The following FAT1 variants were observed in gnomAD, a reference collection of about 807,000 sequenced individuals.
The protein encoded by FAT1 is FAT atypical cadherin 1, also known as protocadherin Fat 1.
In FAT1, 171 loss-of-function variants were observed where a neutral mutation model predicts 329.8. The observed-to-expected ratio is 0.52, with a 90% CI of 0.46 to 0.59. The LOEUF is 0.59. Among genes scored for constraint, FAT1 ranks in the 20% least tolerant of loss-of-function variants. FAT1 has a pLI of 0.00. For synonymous variants in FAT1, 2,233 were observed against 2,228.6 expected, an observed-to-expected ratio of 1.00 and a Z score of -0.06; for missense variants, 5,672 against 5,774.4, an observed-to-expected ratio of 0.98 and a Z score of 0.57.
chr4:186,714,855 G>A (rs998547807), intron 1 of FAT1, among the ~76,000 whole-genome samples: 39 of 152,182 alleles, frequency 2.6e-4, no homozygotes, highest in African/African-American at 8.4e-4. Context: ...CGAGGCAGGC[G>A]GATCACGAGG....
rs1738032057 is a variant in FAT1, at chr4:186,587,900, CTG to C, written c.*690_*691del. The C allele has an allele frequency of 4.6e-6, 1 of 217,462 alleles. No individual in the cohort carries two copies. Among genetic ancestry groups the C allele is most frequent in the South Asian group, 1.9e-4 (1 of 5,376 alleles). The allele number at this position is 217,462 out of a possible 1,614,324, so 13.5% of individuals were successfully genotyped here. On this transcript the variant is annotated 3_prime_UTR_variant, in exon 27 of 27. Transcript: ENST00000441802. ...CACAAATATACAGACACTATAAAAA[CTG>C]TGTCATGGTGGTTTTGGTTCTAAAC...
intron 9 of FAT1, among the ~76,000 whole-genome samples, chr4:186,627,197 A>G (rs1740352364): frequency 9.6e-6 from 1 of 104,310 alleles, no homozygotes; most frequent in South Asian, 4.6e-4. Flanking sequence ...AGGGACCAAC[A>G]TGGCACCTGG....
chr4:186,705,683 A>T (rs1340298674), intron 2 of FAT1, among the ~76,000 whole-genome samples: 1 of 152,252 alleles, frequency 6.6e-6, no homozygotes, highest in Non-Finnish European at 1.5e-5. Context: ...CTCCACCAGG[A>T]CATATTGACA....
rs2126502756 is a variant in FAT1 at position 186,619,158 on chromosome 4, G to A, written c.7428C>T (p.Thr2476=). The A allele has an allele frequency of 6.2e-7, 1 of 1,613,958 alleles. No individual in the cohort carries two copies. Among genetic ancestry groups the A allele is most frequent in the Non-Finnish European group, 8.5e-7 (1 of 1,179,896 alleles). Reference sequence around the variant, plus strand: ...CTCCAATTACAGTTACATGAACCTGGGTGGAACTTCTAAAAACTCCATCAG... The same window carrying A: ...CTCCAATTACAGTTACATGAACCTGAGTGGAACTTCTAAAAACTCCATCAG... ...SVSDGVFRSS[T]QVHVTVIGGN... is the part of the protein sequence containing the mutation. Residue 2476 remains threonine (T), a synonymous_variant, in exon 10 of 27, where the codon ACC becomes ACT. Transcript: ENST00000441802.
intron 2 of FAT1, among the ~76,000 whole-genome samples, chr4:186,698,779 C>T (rs577167715): frequency 1.3e-5 from 2 of 152,290 alleles, no homozygotes; most frequent in Admixed American, 6.5e-5. Context: ...GACTGGACCC[C>T]GTGCGATGGG....
At position 186,595,829 on chromosome 4, in the gene FAT1, A is replaced by G. The variant is rs1419074294; in HGVS notation, c.13001-3T>C. The G allele has an allele frequency of 1.9e-6, 3 of 1,613,820 alleles. No individual in the cohort carries two copies. The Admixed American group carries it at 5.0e-5, about 27-fold the overall frequency. On this transcript the variant is annotated splice_region_variant and splice_polypyrimidine_tract_variant and intron_variant, in intron 25 of 26. Coordinates refer to ENST00000441802, the MANE Select transcript of FAT1 (RefSeq NM_005245.4). ...GGGATCAAGATCCACCACTTTTGCT[A>G]AAAGGAAGGATGACAAACAGTAAGT... is the stretch of plus-strand genomic sequence containing the variant.
Position 186,706,613 on chromosome 4 carries a change from G to A in FAT1, c.3215C>T (p.Ser1072Phe), listed in dbSNP as rs2126682027. 6.2e-7 allele frequency: 1 copy of A among 1,613,874 alleles called. No individual in the cohort carries two copies. Among genetic ancestry groups the A allele is most frequent in the East Asian group, 2.2e-5 (1 of 44,868 alleles). The change falls in exon 2 of 27, where the codon TCC becomes TTC. Residue 1072 changes from serine (S) to phenylalanine (F), a missense_variant. By Grantham distance (155) the Ser-to-Phe change is radical. Around this residue, in one of 2 missense-constraint regions of FAT1, gnomAD observed 3,966 missense variants for 3,915.2 expected, o/e 1.01. Coordinates refer to ENST00000441802, the MANE Select transcript of FAT1 (RefSeq NM_005245.4). ...ACCAACGCCAGAGCCATCTCTAATG[G>A]AGTATCGGATCTCCCCATCTCTTCT... is the stretch of plus-strand genomic sequence containing the variant. The part of the protein sequence containing the change: ...DARRDGEIRY[S>F]IRDGSGVGVF...
chr4:186,606,071 T>C lies in FAT1; in HGVS notation c.10349A>G (p.Gln3450Arg). 1 of 1,612,826 alleles carries C rather than the reference T, an allele frequency of 6.2e-7. No individual in the cohort carries two copies. The highest frequency in any genetic ancestry group is 8.5e-7 in the Non-Finnish European group (1 of 1,179,720). ...FSRGNYSVII[Q>R]ENKPVGFSVL... is the part of the protein sequence containing the mutation. Reference sequence around the variant, plus strand: ...ACCACCTTGGCACTCGAAGCCCACCTGGATAATGACACTGTAGTTTCCCCT... The same window carrying C: ...ACCACCTTGGCACTCGAAGCCCACCCGGATAATGACACTGTAGTTTCCCCT... Residue 3450 changes from glutamine to arginine, a missense_variant and splice_region_variant, in exon 17 of 27, where the codon CAG (glutamine) becomes CGG (arginine). Around this residue, in one of 2 missense-constraint regions of FAT1, gnomAD observed 1,706 missense variants for 1,859.1 expected, o/e 0.92. Transcript: ENST00000441802.
intron 2 of FAT1, among the ~76,000 whole-genome samples, chr4:186,676,660 TC>T (rs1742970100): frequency 6.6e-6 from 1 of 152,144 alleles, no homozygotes; most frequent in African/African-American, 2.4e-5. Context: ...CTTAAAGCAC[TC>T]CCTTGCTAAA....
At position 186,603,532 on chromosome 4, in the gene FAT1, C is replaced by T. The variant is rs776802298; in HGVS notation, c.10994G>A (p.Arg3665Gln). The change falls in exon 19 of 27, where the codon CGA becomes CAA. Residue 3665 changes from arginine (R) to glutamine (Q), a missense_variant. This residue lies in a region of FAT1 where 1,706 missense variants were observed against 1,859.1 expected (regional missense o/e 0.92). Coordinates refer to ENST00000441802, the MANE Select transcript of FAT1 (RefSeq NM_005245.4). ...CACACCCAGGATGTTCCGTAAAGCT[C>T]GCTGGAAGTTGCGCCAGTAGTCACC... is the stretch of plus-strand genomic sequence containing the variant. ...FVGDYWRNFQ[R>Q]ALRNILGVRR... is the part of the protein sequence containing the mutation. The T allele has an allele frequency of 1.5e-5, 24 of 1,613,854 alleles. No homozygotes were observed. In the Admixed American group the frequency reaches 1.7e-4, roughly 11 times the overall value.
At chr4:186,625,485 T>C (rs1740256717) in intron 9 of FAT1, among the ~76,000 whole-genome samples, 1 of 152,258 alleles carries the variant, frequency 6.6e-6, no homozygotes, top group Admixed American at 6.5e-5. Context: ...TTTTTAAAAT[T>C]ACTCTCCATT....
At position 186,621,225 on chromosome 4, in the gene FAT1, G is replaced by A. The variant is rs1740030862; in HGVS notation, c.5361C>T (p.Asp1787=). ...CTCGAATCACCAGTGGGACATTCCT[G>A]TCTGTTAGGACCACGCTGTTAATTG... ...SASINSVVLT[D]RNVPLVIRAA... The change falls in exon 10 of 27, where the codon GAC becomes GAT. Residue 1787 remains aspartate (D), a synonymous_variant. Transcript: ENST00000441802. 6.2e-7 allele frequency: 1 copy of A among 1,613,998 alleles called. No homozygotes were observed. Among genetic ancestry groups the A allele is most frequent in the Non-Finnish European group, 8.5e-7 (1 of 1,179,894 alleles).
chr4:186,638,738 A>G (rs988282189), intron 4 of FAT1, among the ~76,000 whole-genome samples: 9 of 152,220 alleles, frequency 5.9e-5, no homozygotes, highest in African/African-American at 2.2e-4. Flanking sequence ...AGCATTATAA[A>G]CAGCAATATT....
intron 2 of FAT1, among the ~76,000 whole-genome samples, chr4:186,700,682 C>T (rs1278700693): frequency 7.2e-5 from 11 of 152,302 alleles, no homozygotes; most frequent in Non-Finnish European, 1.6e-4. Context: ...GAGTAAAATG[C>T]GGTTCTGGCA....
chr4:186,624,438 A>C (rs1214567993), intron 9 of FAT1, among the ~76,000 whole-genome samples: 1 of 152,148 alleles, frequency 6.6e-6, no homozygotes, highest in Non-Finnish European at 1.5e-5. Flanking sequence ...GGGGAGGAAA[A>C]CCAATTCTAA....
Position 186,588,488 on chromosome 4 carries a change from G to A in FAT1, c.*104C>T, listed in dbSNP as rs540624845. 5 of 1,386,794 alleles carry A rather than the reference G, an allele frequency of 3.6e-6. No homozygotes were observed. The highest frequency in any genetic ancestry group is 1.4e-5 in the African/African-American group (1 of 69,604). The allele number at this position is 1,386,794 out of a possible 1,614,324, so 85.9% of individuals were successfully genotyped here. On this transcript the variant is annotated 3_prime_UTR_variant, in exon 27 of 27. Transcript: ENST00000441802. ...GGATCCAGCGCAGCCATGCCCATTC[G>A]GCTCACCAAAAAAAGCTTGGAAGCA...
intron 2 of FAT1, among the ~76,000 whole-genome samples, chr4:186,680,267 G>C (rs113666712): frequency 6.6e-6 from 1 of 152,112 alleles, no homozygotes; most frequent in African/African-American, 2.4e-5. Context: ...ACACGCAAAG[G>C]GGTACCAGTG....
In FAT1 at chr4:186,620,957, G is replaced by T. The variant is rs373490272; in HGVS notation, c.5629C>A (p.Pro1877Thr). ...VHVIDINDCP[P>T]VFAKPLYEAS... is the part of the protein sequence containing the mutation. ...TCATATAATGGCTTGGCAAACACAGGGGGGCAGTCATTAATGTCAATTACA... is the reference window on the plus strand; with the variant it reads ...TCATATAATGGCTTGGCAAACACAGTGGGGCAGTCATTAATGTCAATTACA... Residue 1877 changes from proline to threonine, a missense_variant, in exon 10 of 27, where the codon CCT becomes ACT. Transcript: ENST00000441802. The T allele has an allele frequency of 6.2e-7, 1 of 1,613,778 alleles. No individual in the cohort carries two copies. The highest frequency in any genetic ancestry group is 8.5e-7 in the Non-Finnish European group (1 of 1,179,892).
chr4:186,680,747 T>C (rs1018976375), intron 2 of FAT1, among the ~76,000 whole-genome samples: 1 of 152,216 alleles, frequency 6.6e-6, no homozygotes, highest in African/African-American at 2.4e-5. Context: ...CTTCACAAGT[T>C]ACTAGGTTGC....
Sources: gnomAD v4.1 joint callset for allele counts (sites outside exome capture counted in the v4.1 genomes callset) on GRCh38, gnomAD v4.1.1 for gene constraint, gnomAD v4.1.1 regional missense constraint, MANE v1.5 for transcripts, NCBI Gene and HGNC (gene_info 2026-07-23, HGNC 2026-07-21) for gene names.